Variants in IGSF9B observed in about 807,000 individuals in gnomAD.
The protein encoded by IGSF9B is protein turtle homolog B.
IGSF9B carries 48 observed loss-of-function variants against 143.7 expected under a neutral mutation model. That is an observed-to-expected ratio of 0.33 (90% confidence interval 0.26 to 0.42). The LOEUF (loss-of-function observed/expected upper bound fraction) is 0.42. Among genes scored for constraint, IGSF9B ranks in the 20% least tolerant of loss-of-function variants. IGSF9B has a pLI of 1.00. For synonymous variants in IGSF9B, 903 were observed against 833.1 expected (o/e 1.08, Z -1.44); for missense variants, 1,706 against 1,980.0 (o/e 0.86, Z 2.63).
intron 18 of IGSF9B, 92 bp downstream of exon 18, chr11:133,919,644 CCTGTCG>C: frequency 1.2e-6 from 1 of 801,240 alleles, no homozygotes; most frequent in Non-Finnish European, 1.8e-6. Context: ...CCGCACGAGC[CCTGTCG>C]CCGGGCGGAT....
rs1175603249 is a variant in IGSF9B at position 133,937,371 on chromosome 11, C to A, written c.679+5G>T. ...GGTTAAAGAGGCTGAGGAAATGGCTCCTACCTTGGACAAGCAGGTGAGTCG... is the reference window on the plus strand; with the variant it reads ...GGTTAAAGAGGCTGAGGAAATGGCTACTACCTTGGACAAGCAGGTGAGTCG... On this transcript the variant is annotated splice_donor_5th_base_variant and intron_variant, in intron 5 of 19. Transcript: ENST00000533871. 1 of 1,603,480 alleles carries A rather than the reference C, an allele frequency of 6.2e-7. No homozygotes were observed. The highest frequency in any genetic ancestry group is 1.3e-5 in the African/African-American group (1 of 74,848).
intron 18 of IGSF9B, chr11:133,919,129 T>TGGGGGGGGGGGGGGGGGAGGGG: frequency 5.7e-6 from 1 of 174,382 alleles, no homozygotes; most frequent in Non-Finnish European, 1.1e-5. Context: ...GGGGGGGGGG[T>TGGGGGGGGGGGGGGGGGAGGGG]GGGGGACGTG....
Position 133,950,841 on chromosome 11 carries a change from C to T in IGSF9B, c.65-4583G>A, listed in dbSNP as rs558869925. Among the ~76,000 whole-genome samples the T allele has an allele frequency of 6.8e-4, 103 of 151,162 alleles. 1 individual carries two copies. Among genetic ancestry groups the T allele is most frequent in the South Asian group, 4.0e-3 (19 of 4,754 alleles). The stretch of plus-strand genomic sequence containing the variant: ...ACGGAGTGAGCACCAGCATCCGTTG[C>T]TCATTAGTACAAGTCCTTATTGCAG... On this transcript the variant is annotated intron_variant, in intron 1 of 19. Transcript: ENST00000533871.
At position 133,946,087 on chromosome 11, in the gene IGSF9B, G is replaced by T; in HGVS notation, c.236C>A (p.Pro79Gln). 6.3e-7 allele frequency: 1 copy of T among 1,597,300 alleles called. No homozygotes were observed. Among genetic ancestry groups the T allele is most frequent in the East Asian group, 2.3e-5 (1 of 44,102 alleles). ...TGCATACTCAGGGTCCACGTGCGGC[G>T]GGTAGTAGCCAAACTTGATGAAGAT... ...IPIFIKFGYY[P>Q]PHVDPEYAGR... Residue 79 changes from proline (P) to glutamine (Q), a missense_variant, in exon 2 of 20, where the codon CCG becomes CAG. Physicochemically the swap from Pro to Gln is moderately conservative, Grantham distance 76 (BLOSUM62 -1). This residue lies in a region of IGSF9B where 171 missense variants were observed against 213.9 expected (regional missense o/e 0.80). Transcript: ENST00000533871.
intron 18 of IGSF9B, chr11:133,919,015 C>A (rs1374996437): frequency 2.0e-6 from 1 of 489,484 alleles, no homozygotes. Flanking sequence ...GGCGTCCAGG[C>A]CCTGGTACCT....
intron 7 of IGSF9B, among the ~76,000 whole-genome samples, chr11:133,933,224 C>T (rs1226801629): frequency 6.6e-6 from 1 of 152,186 alleles, no homozygotes; most frequent in African/African-American, 2.4e-5. Flanking sequence ...ATGTCCATTT[C>T]TCTCTGTTCC....
At chr11:133,939,810 A>G (rs1939892293) in intron 3 of IGSF9B, among the ~76,000 whole-genome samples, 1 of 151,478 alleles carries the variant, frequency 6.6e-6, no homozygotes, top group Non-Finnish European at 1.5e-5. Context: ...CATCGCATGC[A>G]GAAACATACA....
rs753530350 is a variant in IGSF9B, at chr11:133,920,484, G to A, written c.3241C>T (p.Pro1081Ser). The A allele has an allele frequency of 1.9e-6, 3 of 1,575,324 alleles. No homozygotes were observed. The highest frequency in any genetic ancestry group is 2.3e-5 in the South Asian group (2 of 85,204). The change falls in exon 18 of 20, where the codon CCC (proline) becomes TCC (serine). Residue 1081 changes from proline to serine, a missense_variant. By Grantham distance (74) the Pro-to-Ser change is moderately conservative. Coordinates refer to ENST00000533871, the MANE Select transcript of IGSF9B (RefSeq NM_001277285.4). ...QPKAGLPRGL[P>S]PTSLQVPAAY... ...GCGGGCACCTGCAGGGAGGTGGGGG[G>A]CAGTCCTCGGGGGAGGCCGGCCTTG...
chr11:133,942,518 G>A lies in IGSF9B; in HGVS notation c.409+1702C>T, dbSNP rs555721781. On this transcript the variant is annotated intron_variant, in intron 3 of 19. Coordinates refer to ENST00000533871, the MANE Select transcript of IGSF9B (RefSeq NM_001277285.4). ...GTGAGATTCTACTTTCCAGTCATAC[G>A]CACGTCCACTGAATGCCTGGTGTCT... Among the ~76,000 whole-genome samples the A allele has an allele frequency of 7.9e-5, 12 of 152,254 alleles. No homozygotes were observed. The East Asian group carries it at 1.2e-3, about 15-fold the overall frequency.
chr11:133,956,205 T>C (rs1565455747), intron 1 of IGSF9B, among the ~76,000 whole-genome samples: 2 of 152,048 alleles, frequency 1.3e-5, no homozygotes, highest in Non-Finnish European at 2.9e-5. Context: ...CCCGGGGCCT[T>C]AGACGCGGGT....
chr11:133,925,577 C>CCT (rs1939608701), intron 14 of IGSF9B, among the ~76,000 whole-genome samples, 162 bp downstream of exon 14: 2 of 152,134 alleles, frequency 1.3e-5, no homozygotes, highest in Non-Finnish European at 2.9e-5. Flanking sequence ...GAGTCCAGGC[C>CCT]TTGGTAGCGA....
rs1393160675 is a variant in IGSF9B at position 133,900,979 on chromosome 11, G to A, written c.*8090C>T. 2 of 152,188 alleles carry A rather than the reference G, an allele frequency of 1.3e-5. No homozygotes were observed. The highest frequency in any genetic ancestry group is 2.4e-5 in the African/African-American group (1 of 41,430). The allele number at this position is 152,188 out of a possible 1,614,324, so 9.4% of individuals were successfully genotyped here. On this transcript the variant is annotated 3_prime_UTR_variant, in exon 20 of 20. Transcript: ENST00000533871. ...AATGCTGTGAAGCCAGGTTTTCTCT[G>A]AGGAACTGGTTACCTTTCCACAGCC...
In IGSF9B at chr11:133,953,437, T is replaced by C. The variant is rs1384898308; in HGVS notation, c.64+3254A>G. Among the ~76,000 whole-genome samples the C allele has an allele frequency of 6.6e-6, 1 of 152,124 alleles. No homozygotes were observed. Among genetic ancestry groups the C allele is most frequent in the Non-Finnish European group, 1.5e-5 (1 of 68,030 alleles). On this transcript the variant is annotated intron_variant, in intron 1 of 19. Coordinates refer to ENST00000533871, the MANE Select transcript of IGSF9B (RefSeq NM_001277285.4). This position sits in a 1 kb window ranked among gnomAD's most constrained non-coding sequence, Gnocchi z 4.2. ...TGCTGAGGATACACACACACATCCATCCAGCCACTGACCACTTCCTGAGTG... is the reference window on the plus strand; with the variant it reads ...TGCTGAGGATACACACACACATCCACCCAGCCACTGACCACTTCCTGAGTG...
rs1250631122 is a variant in IGSF9B, at chr11:133,901,843, C to CCA, written c.*7224_*7225dup. ...CACCACACACACAAACACACACACA[C>CCA]CACACACGCACCACACACGCACCAC... On this transcript the variant is annotated 3_prime_UTR_variant, in exon 20 of 20. Coordinates refer to ENST00000533871, the MANE Select transcript of IGSF9B (RefSeq NM_001277285.4). 6.8e-6 allele frequency among the ~76,000 whole-genome samples: 1 copy of CCA among 146,466 alleles called. No individual in the cohort carries two copies.
chr11:133,907,446 C>A lies in IGSF9B; in HGVS notation c.*1623G>T, dbSNP rs969473166. 6.6e-6 allele frequency among the ~76,000 whole-genome samples: 1 copy of A among 152,186 alleles called. No individual in the cohort carries two copies. The highest frequency in any genetic ancestry group is 1.5e-5 in the Non-Finnish European group (1 of 68,038). On this transcript the variant is annotated 3_prime_UTR_variant, in exon 20 of 20. Coordinates refer to ENST00000533871, the MANE Select transcript of IGSF9B (RefSeq NM_001277285.4). ...TCGGGAGAGGTGGGTGCCCCCAAACCCACCAAGACAGCAGCACCAAGAAGG... is the reference window on the plus strand; with the variant it reads ...TCGGGAGAGGTGGGTGCCCCCAAACACACCAAGACAGCAGCACCAAGAAGG...
intron 1 of IGSF9B, among the ~76,000 whole-genome samples, chr11:133,946,926 GCA>G (rs1266997969): frequency 6.6e-6 from 1 of 152,100 alleles, no homozygotes; most frequent in African/African-American, 2.4e-5. Context: ...CCTCCTCCCA[GCA>G]CAGTTCTGCC....
At chr11:133,940,310 TCGCA>T (rs1939919184) in intron 3 of IGSF9B, among the ~76,000 whole-genome samples, 1 of 112,678 alleles carries the variant, frequency 8.9e-6, no homozygotes. Context: ...GCACGCGTCA[TCGCA>T]CGCAGAAACA....
intron 1 of IGSF9B, 130 bp from the exon 2 acceptor site, chr11:133,946,388 C>A: frequency 1.4e-6 from 1 of 733,012 alleles, no homozygotes. Flanking sequence ...CGTACCCTCC[C>A]AGGAGGGTCC....
chr11:133,932,469 A>G (rs947650629), intron 7 of IGSF9B, among the ~76,000 whole-genome samples: 4 of 143,596 alleles, frequency 2.8e-5, no homozygotes, highest in African/African-American at 1.1e-4. Flanking sequence ...ACAGACAGAC[A>G]GACACAGGGA....
Sources: gnomAD v4.1 joint callset for allele counts (sites outside exome capture counted in the v4.1 genomes callset) on GRCh38, gnomAD v4.1.1 for gene constraint, gnomAD v4.1.1 regional missense constraint, Gnocchi (gnomAD v3.1) non-coding constraint, MANE v1.5 for transcripts, NCBI Gene and HGNC (gene_info 2026-07-23, HGNC 2026-07-21) for gene names.